PRSS23: variants seen among roughly 807,000 people sequenced by gnomAD.
The protein encoded by PRSS23 is serine protease 23.
PRSS23 carries 25 observed loss-of-function variants against 34.7 expected under a neutral mutation model. The observed-to-expected ratio is 0.72, with a 90% CI of 0.53 to 1.01. The LOEUF is 1.01. PRSS23 is among the 50% of genes least tolerant of loss of function. The pLI, the probability that PRSS23 is intolerant of heterozygous loss-of-function variation, is 0.00. For missense variants in PRSS23, 445 were observed against 475.6 expected, an observed-to-expected ratio of 0.94 and a Z score of 0.60; for synonymous variants, 176 against 186.6, an observed-to-expected ratio of 0.94 and a Z score of 0.46.
intron 2 of PRSS23, chr11:86,934,902 TAGG>T (rs1303683738): frequency 6.6e-6 from 1 of 152,260 alleles, no homozygotes; most frequent in Non-Finnish European, 1.5e-5. Flanking sequence ...TTACTTTTTC[TAGG>T]AGTTCACTGG....
At chr11:86,862,126 AGTATCTGTTGGGGAGAGGAT>A (rs1565369605) in intron 2 of PRSS23, among the ~76,000 whole-genome samples, 8 of 151,768 alleles carry the variant, frequency 5.3e-5, no homozygotes, top group Admixed American at 2.6e-4. Flanking sequence ...TATTGCTTGT[AGTATCTGTTGGGGAGAGGAT>A]GTTATTCCTC....
chr11:86,842,826 T>A (rs1590889898), intron 2 of PRSS23, among the ~76,000 whole-genome samples: 2 of 152,246 alleles, frequency 1.3e-5, no homozygotes, highest in Admixed American at 1.3e-4. Context: ...GAATCAATAT[T>A]GTGAAAATGG....
chr11:86,939,423 T>TTTTTTTTTTTTTAAAA (rs1565392807), intron 2 of PRSS23, among the ~76,000 whole-genome samples: 2 of 100,426 alleles, frequency 2.0e-5, no homozygotes, highest in Non-Finnish European at 4.5e-5. Flanking sequence ...TATATATATA[T>TTTTTTTTTTTTTAAAA]ATATTTTTTA....
chr11:86,825,508 T>G (rs1409834305), intron 2 of PRSS23, among the ~76,000 whole-genome samples: 4 of 151,978 alleles, frequency 2.6e-5, no homozygotes, highest in Non-Finnish European at 4.4e-5. Context: ...GTCAATTTTG[T>G]CTTTTGTTGC....
chr11:86,881,829 G>A (rs892124312), intron 2 of PRSS23, among the ~76,000 whole-genome samples: 1 of 152,098 alleles, frequency 6.6e-6, no homozygotes, highest in Non-Finnish European at 1.5e-5. Flanking sequence ...TCATTAGTGT[G>A]TGTCTTTCTA....
At chr11:86,855,556 C>T (rs1729181336) in intron 2 of PRSS23, among the ~76,000 whole-genome samples, 1 of 152,162 alleles carries the variant, frequency 6.6e-6, no homozygotes, top group Non-Finnish European at 1.5e-5. Flanking sequence ...AGTATAGAGG[C>T]ATGATCTTGG....
chr11:86,794,932 T>C (rs918725748), intron 1 of PRSS23, among the ~76,000 whole-genome samples: 2 of 152,302 alleles, frequency 1.3e-5, no homozygotes, highest in East Asian at 3.9e-4. Context: ...ATGAATGAAC[T>C]GATGGTACCA....
intron 2 of PRSS23, chr11:86,921,203 T>C (rs1482791091): frequency 1.3e-5 from 2 of 152,228 alleles, no homozygotes; most frequent in African/African-American, 2.4e-5. Flanking sequence ...AATCCAGTCT[T>C]AGCAACTAGT....
rs1475715713 is a variant in PRSS23, at chr11:86,807,690, GTGC to G, written c.50_52del (p.Ala17del). 1 of 1,614,028 alleles carries G rather than the reference GTGC, an allele frequency of 6.2e-7. No individual in the cohort carries two copies. Among genetic ancestry groups the G allele is most frequent in the Non-Finnish European group, 8.5e-7 (1 of 1,179,986 alleles). Reference sequence around the variant, plus strand: ...CTCTTCCTTCTCTTCTTTCTGCTCTGTGCTGTTGGGCAAGTGAGCCCTTACAGT... The same window carrying G: ...CTCTTCCTTCTCTTCTTTCTGCTCTGTGTTGGGCAAGTGAGCCCTTACAGT... On this transcript the variant is annotated inframe_deletion, in exon 2 of 2. Transcript: ENST00000280258.
At chr11:86,888,964 A>C (rs1482497616) in intron 2 of PRSS23, among the ~76,000 whole-genome samples, 1 of 152,152 alleles carries the variant, frequency 6.6e-6, no homozygotes, top group East Asian at 1.9e-4. Context: ...ATTGTTTTTA[A>C]TGAGTGTTGA....
At chr11:86,872,455 T>C (rs1948691440) in intron 2 of PRSS23, among the ~76,000 whole-genome samples, 1 of 152,204 alleles carries the variant, frequency 6.6e-6, no homozygotes. Flanking sequence ...GGGTTATTTA[T>C]AAACATATCC....
At chr11:86,915,198 G>C (rs1053458399) in intron 2 of PRSS23, among the ~76,000 whole-genome samples, 28 of 152,198 alleles carry the variant, frequency 1.8e-4, no homozygotes, top group Admixed American at 6.5e-5. Flanking sequence ...CTAGGATTAA[G>C]TTTTTTGAGC....
chr11:86,881,974 T>G (rs1948775279), intron 2 of PRSS23, among the ~76,000 whole-genome samples: 1 of 152,234 alleles, frequency 6.6e-6, no homozygotes, highest in South Asian at 2.1e-4. Context: ...ACTTAAGTGA[T>G]GTGAATCTTC....
intron 2 of PRSS23, among the ~76,000 whole-genome samples, chr11:86,931,548 T>C (rs1001213062): frequency 1.3e-5 from 2 of 151,972 alleles, no homozygotes; most frequent in African/African-American, 4.8e-5. Context: ...TCCCTAGTAA[T>C]AGAAATCAGA....
intron 2 of PRSS23, among the ~76,000 whole-genome samples, chr11:86,939,352 A>AC (rs1949185612): frequency 6.8e-6 from 1 of 147,400 alleles, no homozygotes; most frequent in Non-Finnish European, 1.5e-5. Context: ...AAAAACACTG[A>AC]CCTCAGGAGA....
At chr11:86,945,390 G>C (rs2135031123) in intron 2 of PRSS23, among the ~76,000 whole-genome samples, 1 of 149,976 alleles carries the variant, frequency 6.7e-6, no homozygotes, top group Non-Finnish European at 1.5e-5. Flanking sequence ...AGGTGTCATT[G>C]GGATAACAAC....
At chr11:86,849,870 C>A (rs1035862988) in intron 2 of PRSS23, among the ~76,000 whole-genome samples, 1 of 152,166 alleles carries the variant, frequency 6.6e-6, no homozygotes, top group Non-Finnish European at 1.5e-5. Flanking sequence ...CAGCTTAATT[C>A]TCTCGCTGCA....
chr11:86,835,687 A>G (rs1043419784), intron 2 of PRSS23, among the ~76,000 whole-genome samples: 1 of 152,172 alleles, frequency 6.6e-6, no homozygotes, highest in African/African-American at 2.4e-5. Context: ...TATAGGCTGG[A>G]TACGTTCCTC....
At chr11:86,866,334 G>A (rs926292806) in intron 2 of PRSS23, among the ~76,000 whole-genome samples, 7 of 152,070 alleles carry the variant, frequency 4.6e-5, no homozygotes, top group Non-Finnish European at 1.0e-4. Flanking sequence ...ACAGGGGTGG[G>A]GAGCTGCAGT....
Sources: allele counts gnomAD v4.1 joint callset (sites outside exome capture counted in the v4.1 genomes callset), GRCh38; gene constraint gnomAD v4.1.1; transcripts MANE v1.5; gene names NCBI Gene and HGNC (gene_info 2026-07-23, HGNC 2026-07-21).